Variants in RNF220 observed in about 807,000 individuals in gnomAD.
RNF220 encodes the protein E3 ubiquitin-protein ligase RNF220.
In RNF220, 7 loss-of-function variants were observed where a neutral mutation model predicts 67.1. That is an observed-to-expected ratio of 0.10 (90% confidence interval 0.06 to 0.20). The LOEUF (loss-of-function observed/expected upper bound fraction) is 0.20. RNF220 is among the 10% of genes least tolerant of loss of function. The pLI is 1.00. For missense variants in RNF220, 565 were observed against 740.3 expected (o/e 0.76, Z 2.75); for synonymous variants, 270 against 283.2 (o/e 0.95, Z 0.47).
intron 1 of RNF220, among the ~76,000 whole-genome samples, chr1:44,410,261 C>G (rs970478450): frequency 6.6e-6 from 1 of 152,164 alleles, no homozygotes; most frequent in African/African-American, 2.4e-5. Context: ...TGAAGAGCTG[C>G]TTAGAACCCT....
At chr1:44,544,189 A>C (rs1661927770) in intron 2 of RNF220, among the ~76,000 whole-genome samples, 1 of 152,232 alleles carries the variant, frequency 6.6e-6, no homozygotes, top group South Asian at 2.1e-4. Flanking sequence ...GGGTGGGAGA[A>C]GAACAGAGCA....
chr1:44,507,944 C>T (rs1005717852), intron 2 of RNF220, among the ~76,000 whole-genome samples: 1 of 151,954 alleles, frequency 6.6e-6, no homozygotes, highest in African/African-American at 2.4e-5. Flanking sequence ...ATGCTTGGGG[C>T]GGGAGGCGAT....
At chr1:44,485,776 T>C (rs1259930951) in intron 2 of RNF220, among the ~76,000 whole-genome samples, 3 of 152,218 alleles carry the variant, frequency 2.0e-5, no homozygotes, top group Non-Finnish European at 4.4e-5. Flanking sequence ...GGGCCTGCTT[T>C]ATTTAAGATG....
intron 8 of RNF220, among the ~76,000 whole-genome samples, chr1:44,641,191 A>AT (rs879452721): frequency 4.0e-5 from 6 of 151,156 alleles, no homozygotes; most frequent in Non-Finnish European, 5.9e-5. Flanking sequence ...GGAGAAGGAT[A>AT]TTTTTTTTTG....
chr1:44,476,128 T>C (rs1356754942), intron 2 of RNF220, among the ~76,000 whole-genome samples: 3 of 151,966 alleles, frequency 2.0e-5, no homozygotes, highest in Non-Finnish European at 2.9e-5. Flanking sequence ...CATATATATA[T>C]ATTTGGTAAG....
chr1:44,535,209 C>T (rs1194777622), intron 2 of RNF220, among the ~76,000 whole-genome samples: 1 of 136,578 alleles, frequency 7.3e-6, no homozygotes, highest in Non-Finnish European at 1.5e-5. Flanking sequence ...GGCACGATTT[C>T]AGCTCACCGC....
At chr1:44,409,432 T>C (rs1211270814) in intron 1 of RNF220, among the ~76,000 whole-genome samples, 5 of 152,250 alleles carry the variant, frequency 3.3e-5, no homozygotes, top group Admixed American at 2.6e-4. Context: ...ATTTGGTTGC[T>C]TTTCGATTTC....
chr1:44,600,896 T>A lies in RNF220; in HGVS notation c.626-13269T>A, dbSNP rs1666876089. Among the ~76,000 whole-genome samples the A allele has an allele frequency of 6.6e-6, 1 of 152,114 alleles. No individual in the cohort carries two copies. The highest frequency in any genetic ancestry group is 2.1e-4 in the South Asian group (1 of 4,824). On this transcript the variant is annotated intron_variant, in intron 2 of 14. Coordinates refer to ENST00000361799, the MANE Select transcript of RNF220 (RefSeq NM_018150.4). This position sits in a 1 kb window ranked among gnomAD's most constrained non-coding sequence, Gnocchi z 4.0. ...GTTACCACTTCCCTTCTTCCTCATC[T>A]CTTCAACAAGTACTTATCTATCACA... is the stretch of plus-strand genomic sequence containing the variant.
At chr1:44,441,026 GA>G (rs1334650463) in intron 2 of RNF220, among the ~76,000 whole-genome samples, 2 of 152,288 alleles carry the variant, frequency 1.3e-5, no homozygotes, top group African/African-American at 4.8e-5. Context: ...TGTCAAGGGG[GA>G]CCCCTGGACA....
chr1:44,650,605 C>T lies in RNF220; in HGVS notation c.1630-99C>T, dbSNP rs1644766299. Reference sequence around the variant, plus strand: ...TGGGCTGACAGGACCAAGGTCTCAGCACACACTGGTGCAGAGAGACATGGC... The same window carrying T: ...TGGGCTGACAGGACCAAGGTCTCAGTACACACTGGTGCAGAGAGACATGGC... On this transcript the variant is annotated intron_variant, in intron 14 of 14. Coordinates refer to ENST00000361799, the MANE Select transcript of RNF220 (RefSeq NM_018150.4). This position sits in a 1 kb window ranked among gnomAD's most constrained non-coding sequence, Gnocchi z 4.3. 2.3e-6 allele frequency: 3 copies of T among 1,329,394 alleles called. No homozygotes were observed. The highest frequency in any genetic ancestry group is 2.1e-6 in the Non-Finnish European group (2 of 933,414). The allele number at this position is 1,329,394 out of a possible 1,614,324, so 82.3% of individuals were successfully genotyped here.
intron 2 of RNF220, among the ~76,000 whole-genome samples, chr1:44,506,982 T>C (rs1658489340): frequency 6.6e-6 from 1 of 152,102 alleles, no homozygotes; most frequent in Non-Finnish European, 1.5e-5. Flanking sequence ...TGACTATTTC[T>C]GGGTAAGTAT....
At chr1:44,639,979 G>A (rs369694409) in intron 8 of RNF220, among the ~76,000 whole-genome samples, 16 of 152,090 alleles carry the variant, frequency 1.1e-4, no homozygotes, top group African/African-American at 3.6e-4. Context: ...TAGTAGAGAC[G>A]GGGTTTCACC....
chr1:44,529,533 C>T (rs1047205114), intron 2 of RNF220, among the ~76,000 whole-genome samples: 1 of 152,094 alleles, frequency 6.6e-6, no homozygotes. Flanking sequence ...TGCCACCACA[C>T]CCAGTTACTT....
chr1:44,501,576 A>G (rs1005160334), intron 2 of RNF220, among the ~76,000 whole-genome samples: 1 of 145,192 alleles, frequency 6.9e-6, no homozygotes, highest in Non-Finnish European at 1.5e-5. Flanking sequence ...AAGAAAGGAA[A>G]GCAATGCGGC....
Position 44,645,523 on chromosome 1 carries a change from C to T in RNF220, c.1445+35C>T. On this transcript the variant is annotated intron_variant, in intron 12 of 14. Coordinates refer to ENST00000361799, the MANE Select transcript of RNF220 (RefSeq NM_018150.4). The surrounding 1 kb of genome is among the most constrained non-coding windows in gnomAD (Gnocchi z 5.0). ...TGGCCAGGAGAGAGCCCTGGGACCA[C>T]AGTTCAGTGGGAGGAGGGGCCCTTT... The T allele has an allele frequency of 6.2e-7, 1 of 1,602,484 alleles. No individual in the cohort carries two copies. Among genetic ancestry groups the T allele is most frequent in the South Asian group, 1.1e-5 (1 of 90,110 alleles).
intron 2 of RNF220, among the ~76,000 whole-genome samples, chr1:44,494,598 GA>G (rs112316766): frequency 0.024 from 3,447 of 142,618 alleles, 157 homozygotes; most frequent in African/African-American, 0.083. Flanking sequence ...TTGTTAAAAA[GA>G]AAAAAAAAAG....
intron 2 of RNF220, among the ~76,000 whole-genome samples, chr1:44,584,280 C>A (rs1010261471): frequency 5.3e-5 from 8 of 152,248 alleles, no homozygotes; most frequent in Admixed American, 1.3e-4. Context: ...TACGTCTTCA[C>A]CCCTCCTTCA....
chr1:44,406,869 C>CCAGTCCAGGAGCCT (rs1647390143), intron 1 of RNF220, among the ~76,000 whole-genome samples: 1 of 152,272 alleles, frequency 6.6e-6, no homozygotes. Context: ...GGTTCATCCC[C>CCAGTCCAGGAGCCT]CAGTCCAGGA....
intron 2 of RNF220, among the ~76,000 whole-genome samples, chr1:44,444,552 G>T (rs1557932160): frequency 6.6e-6 from 1 of 151,540 alleles, no homozygotes; most frequent in Non-Finnish European, 1.5e-5. Flanking sequence ...GCGATCCTTT[G>T]TCCTCAGCCT....
Sources: gnomAD v4.1 joint callset for allele counts (sites outside exome capture counted in the v4.1 genomes callset) on GRCh38, gnomAD v4.1.1 for gene constraint, Gnocchi (gnomAD v3.1) non-coding constraint, MANE v1.5 for transcripts, NCBI Gene and HGNC (gene_info 2026-07-23, HGNC 2026-07-21) for gene names.